ZNF638: variants seen among roughly 807,000 people sequenced by gnomAD.
ZNF638 encodes the protein CTCL tumor antigen se33-1.
A neutral mutation model predicts 195.6 loss-of-function variants in ZNF638; 46 were observed. The observed-to-expected ratio is 0.24, with a 90% CI of 0.19 to 0.30. ZNF638 has a LOEUF of 0.30. Among genes scored for constraint, ZNF638 ranks in the 10% least tolerant of loss-of-function variants. The pLI, the probability that ZNF638 is intolerant of heterozygous loss-of-function variation, is 1.00. For missense variants in ZNF638, 2,440 were observed against 2,325.3 expected (o/e 1.05, Z -1.01); for synonymous variants, 845 against 772.0 (o/e 1.09, Z -1.57).
chr2:71,350,410 T>A (rs990795237), intron 2 of ZNF638, 139 bp downstream of exon 2: 1 of 889,144 alleles, frequency 1.1e-6, no homozygotes, highest in African/African-American at 1.7e-5. Flanking sequence ...CAATACATAG[T>A]TGTAATCTTA....
intron 21 of ZNF638, among the ~76,000 whole-genome samples, chr2:71,421,307 G>A (rs898570637): frequency 3.3e-5 from 5 of 151,806 alleles, no homozygotes; most frequent in Admixed American, 3.3e-4. Context: ...GAATTGTAAA[G>A]ATTTGAAACT....
chr2:71,424,523 T>TA (rs909178208), intron 22 of ZNF638, 127 bp from the exon 23 acceptor site: 9 of 708,560 alleles, frequency 1.3e-5, no homozygotes, highest in Non-Finnish European at 2.1e-5. Flanking sequence ...ACATGTTAAA[T>TA]AATTTGCATA....
chr2:71,392,330 G>A (rs200737199), intron 10 of ZNF638, among the ~76,000 whole-genome samples: 3 of 152,230 alleles, frequency 2.0e-5, no homozygotes, highest in East Asian at 3.9e-4. Context: ...ATGGAAAAGC[G>A]GCTATTTGGT....
At position 71,423,396 on chromosome 2, in the gene ZNF638, A is replaced by G. The variant is rs377300492; in HGVS notation, c.3882A>G (p.Thr1294=). The G allele has an allele frequency of 6.2e-7, 1 of 1,613,882 alleles. No individual in the cohort carries two copies. Among genetic ancestry groups the G allele is most frequent in the South Asian group, 1.1e-5 (1 of 91,080 alleles). Residue 1294 remains threonine, a synonymous_variant, in exon 22 of 28, where the codon ACA becomes ACG. Transcript: ENST00000264447. ...VPGIPTGDEK[T]VDKKNISEKK... ...GAATTCCCACTGGGGATGAGAAGACAGTGGACAAAAAGAATATTTCTGAAA... is the reference window on the plus strand; with the variant it reads ...GAATTCCCACTGGGGATGAGAAGACGGTGGACAAAAAGAATATTTCTGAAA...
intron 25 of ZNF638, among the ~76,000 whole-genome samples, chr2:71,429,890 G>C (rs911080008): frequency 2.0e-5 from 3 of 152,126 alleles, no homozygotes; most frequent in Non-Finnish European, 2.9e-5. Flanking sequence ...CTTCTTCCTT[G>C]TCTATTCTTT....
At chr2:71,428,774 C>T in intron 25 of ZNF638, 123 bp downstream of exon 25, 1 of 709,420 alleles carries the variant, frequency 1.4e-6, no homozygotes, top group Non-Finnish European at 2.4e-6. Flanking sequence ...TGGGAAAAGT[C>T]AACTATAGTT....
chr2:71,409,158 T>G lies in ZNF638; in HGVS notation c.3261+911T>G, dbSNP rs185787917. Among the ~76,000 whole-genome samples, 128 of 152,246 alleles carry G rather than the reference T, an allele frequency of 8.4e-4. 1 individual carries two copies. Among genetic ancestry groups the G allele is most frequent in the African/African-American group, 3.0e-3 (125 of 41,582 alleles). ...AAAAGAAAATTAAAGAAGTGAAAAT[T>G]TACATAAACTTCTGCCTGAATTGGT... On this transcript the variant is annotated intron_variant, in intron 20 of 27. Transcript: ENST00000264447.
At position 71,403,943 on chromosome 2, in the gene ZNF638, A is replaced by T; in HGVS notation, c.2903A>T (p.Asp968Val). 6.2e-7 allele frequency: 1 copy of T among 1,612,058 alleles called. No individual in the cohort carries two copies. Among genetic ancestry groups the T allele is most frequent in the Non-Finnish European group, 8.5e-7 (1 of 1,178,388 alleles). ...TATACCTGCTTCCCAGTATTGATGGATGGAAATCAACTCTCAATAAGTATG... is the reference window on the plus strand; with the variant it reads ...TATACCTGCTTCCCAGTATTGATGGTTGGAAATCAACTCTCAATAAGTATG... ...KFYTCFPVLM[D>V]GNQLSISMAP... is the part of the protein sequence containing the mutation. Residue 968 changes from aspartate to valine, a missense_variant, in exon 17 of 28, where the codon GAT (aspartate) becomes GTT (valine). Physicochemically the swap from Asp to Val is radical, Grantham distance 152. This residue lies in a region of ZNF638 where 1,883 missense variants were observed against 1,739.1 expected (regional missense o/e 1.08). Transcript: ENST00000264447.
At position 71,423,751 on chromosome 2, in the gene ZNF638, A is replaced by T; in HGVS notation, c.4237A>T (p.Asn1413Tyr). The T allele has an allele frequency of 6.2e-7, 1 of 1,613,964 alleles. No individual in the cohort carries two copies. The highest frequency in any genetic ancestry group is 8.5e-7 in the Non-Finnish European group (1 of 1,180,016). The change falls in exon 22 of 28, where the codon AAT becomes TAT. Residue 1413 changes from asparagine (N) to tyrosine (Y), a missense_variant. Transcript: ENST00000264447. ...AAAAGCTACAGTTTCAAAAACTGAA[A>T]ATCAGAAAAGTTTTCCAAAATCTGT... ...KAKATVSKTE[N>Y]QKSFPKSVPR...
At chr2:71,364,349 AT>A in intron 5 of ZNF638, 97 bp downstream of exon 5, 1 of 1,301,910 alleles carries the variant, frequency 7.7e-7, no homozygotes, top group Non-Finnish European at 1.0e-6. Context: ...ACTTTATTAA[AT>A]TTTAGAGTTG....
intron 26 of ZNF638, among the ~76,000 whole-genome samples, chr2:71,432,678 C>T (rs987278936): frequency 1.3e-5 from 2 of 149,226 alleles, no homozygotes; most frequent in Non-Finnish European, 3.0e-5. Flanking sequence ...AATGTGTTAA[C>T]GAAATAAAGA....
intron 10 of ZNF638, among the ~76,000 whole-genome samples, chr2:71,391,221 G>A (rs982966236): frequency 5.9e-5 from 9 of 152,292 alleles, no homozygotes; most frequent in African/African-American, 1.7e-4. Context: ...CCCCTTCAAC[G>A]GGGCTCCCTT....
intron 10 of ZNF638, 127 bp downstream of exon 10, chr2:71,380,692 T>A: frequency 1.6e-6 from 1 of 644,440 alleles, no homozygotes; most frequent in South Asian, 2.5e-5. Flanking sequence ...ATTCTTTAAT[T>A]GGCCCCTGTA....
chr2:71,368,272 G>A, intron 6 of ZNF638, 110 bp from the exon 7 acceptor site: 1 of 979,182 alleles, frequency 1.0e-6, no homozygotes, highest in East Asian at 2.8e-5. Context: ...ATATGGAAAA[G>A]ACCCTTTAGT....
At chr2:71,410,818 G>A (rs1338671463) in intron 20 of ZNF638, among the ~76,000 whole-genome samples, 1 of 151,994 alleles carries the variant, frequency 6.6e-6, no homozygotes, top group African/African-American at 2.4e-5. Flanking sequence ...AGATTTTTAG[G>A]CAGAAGAACC....
intron 10 of ZNF638, chr2:71,393,791 A>G: frequency 1.6e-6 from 1 of 614,306 alleles, no homozygotes; most frequent in Non-Finnish European, 2.9e-6. Flanking sequence ...GCCTCTAATA[A>G]CGTTAACTGC....
In ZNF638 at chr2:71,434,018, T is replaced by G. The variant is rs548346810; in HGVS notation, c.5872-724T>G. On this transcript the variant is annotated intron_variant, in intron 27 of 27. Coordinates refer to ENST00000264447, the MANE Select transcript of ZNF638 (RefSeq NM_014497.5). Reference sequence around the variant, plus strand: ...CATTCTAGGCCCAAGCTCTTATACATTGTGCTTTGCTACCTGTGTGCTTAA... The same window carrying G: ...CATTCTAGGCCCAAGCTCTTATACAGTGTGCTTTGCTACCTGTGTGCTTAA... 2.9e-4 allele frequency among the ~76,000 whole-genome samples: 44 copies of G among 152,354 alleles called. 1 individual carries two copies. The South Asian group carries it at 8.3e-3, about 29-fold the overall frequency.
intron 21 of ZNF638, among the ~76,000 whole-genome samples, chr2:71,419,376 A>G (rs574854887): frequency 8.1e-4 from 123 of 152,306 alleles, no homozygotes; most frequent in African/African-American, 2.8e-3. Context: ...GTAAGAGCGT[A>G]TATTTGTTTG....
intron 1 of ZNF638, among the ~76,000 whole-genome samples, chr2:71,338,884 A>G (rs1185747494): frequency 1.3e-5 from 2 of 152,176 alleles, no homozygotes; most frequent in African/African-American, 4.8e-5. Context: ...CATGTTTCCA[A>G]AGGTTAAAAC....
Sources: gnomAD v4.1 joint callset for allele counts (sites outside exome capture counted in the v4.1 genomes callset) on GRCh38, gnomAD v4.1.1 for gene constraint, gnomAD v4.1.1 regional missense constraint, MANE v1.5 for transcripts, NCBI Gene and HGNC (gene_info 2026-07-23, HGNC 2026-07-21) for gene names.